The following PDE4D variants were observed in gnomAD, a reference collection of about 807,000 sequenced individuals.
PDE4D encodes the protein phosphodiesterase 4D, also known as 3',5'-cyclic-AMP phosphodiesterase 4D.
A neutral mutation model predicts 87.4 loss-of-function variants in PDE4D; 24 were observed. The ratio of observed to expected loss-of-function variants is 0.27; its 90% confidence interval spans 0.20 to 0.39. The LOEUF (loss-of-function observed/expected upper bound fraction) is 0.39, where lower values mean the gene tolerates loss of function less well. PDE4D is among the 10% of genes least tolerant of loss of function. The pLI, the probability that PDE4D is intolerant of heterozygous loss-of-function variation, is 1.00. For missense variants in PDE4D, 714 were observed against 1,041.0 expected (o/e 0.69, Z 4.32); for synonymous variants, 384 against 383.2 (o/e 1.00, Z -0.02).
intron 1 of PDE4D, among the ~76,000 whole-genome samples, chr5:60,397,963 CT>C (rs1762996434): frequency 6.6e-6 from 1 of 152,194 alleles, no homozygotes; most frequent in Non-Finnish European, 1.5e-5. Context: ...GGTGAGCACT[CT>C]TACAGTTATT....
chr5:59,954,837 G>A (rs776763824), intron 3 of PDE4D, among the ~76,000 whole-genome samples: 5 of 152,196 alleles, frequency 3.3e-5, no homozygotes, highest in African/African-American at 2.4e-5. Context: ...GGACAGTGCT[G>A]ACGATGTAAT....
chr5:60,219,546 A>G (rs984105609), intron 1 of PDE4D, among the ~76,000 whole-genome samples: 13 of 152,190 alleles, frequency 8.5e-5, no homozygotes, highest in Admixed American at 4.6e-4. Context: ...TATAATTTAG[A>G]ATCAGTCTAT....
At chr5:59,800,238 A>G (rs988252978) in intron 1 of PDE4D, among the ~76,000 whole-genome samples, 2 of 152,264 alleles carry the variant, frequency 1.3e-5, no homozygotes, top group South Asian at 2.1e-4. Flanking sequence ...ACAATGGAAC[A>G]TGTGCGACAA....
intron 1 of PDE4D, among the ~76,000 whole-genome samples, chr5:59,579,940 C>T (rs1260492082): frequency 1.3e-5 from 2 of 152,150 alleles, no homozygotes; most frequent in African/African-American, 4.8e-5. Flanking sequence ...TGAGAAAATA[C>T]AGAAAGAGCT....
At chr5:59,952,371 C>A (rs767429109) in intron 3 of PDE4D, among the ~76,000 whole-genome samples, 1 of 152,172 alleles carries the variant, frequency 6.6e-6, no homozygotes, top group Non-Finnish European at 1.5e-5. Context: ...CCCCATCCAA[C>A]CCTGCTCCCT....
chr5:60,354,569 C>T (rs1759456710), intron 1 of PDE4D, among the ~76,000 whole-genome samples: 1 of 152,116 alleles, frequency 6.6e-6, no homozygotes. Flanking sequence ...AAATTATGCC[C>T]ACATAAGGCA....
intron 1 of PDE4D, among the ~76,000 whole-genome samples, chr5:59,862,138 C>T (rs145015679): frequency 6.8e-4 from 103 of 152,182 alleles, no homozygotes; most frequent in African/African-American, 2.1e-3. Flanking sequence ...CCTAACTGGC[C>T]GCTCCTACTC....
intron 5 of PDE4D, among the ~76,000 whole-genome samples, chr5:59,083,188 T>A (rs1188108234): frequency 6.6e-6 from 1 of 152,122 alleles, no homozygotes; most frequent in East Asian, 1.9e-4. Flanking sequence ...CCTTGCCTAG[T>A]CTGCATTCAC....
At chr5:59,951,054 T>C (rs983088150) in intron 3 of PDE4D, among the ~76,000 whole-genome samples, 5 of 152,128 alleles carry the variant, frequency 3.3e-5, no homozygotes, top group Non-Finnish European at 5.9e-5. Context: ...AATATTAATT[T>C]ATTTAATCCT....
At chr5:59,389,066 T>C (rs1787704529) in intron 1 of PDE4D, among the ~76,000 whole-genome samples, 1 of 151,874 alleles carries the variant, frequency 6.6e-6, no homozygotes, top group Non-Finnish European at 1.5e-5. Context: ...CGCAGGGGAG[T>C]TGGTGAAGCC....
chr5:59,032,487 G>T (rs1443640029), intron 6 of PDE4D, among the ~76,000 whole-genome samples: 1 of 152,156 alleles, frequency 6.6e-6, no homozygotes, highest in Non-Finnish European at 1.5e-5. Context: ...GCTGAGGCAG[G>T]AGAATTGCTT....
At chr5:59,616,114 C>G (rs964567503) in intron 1 of PDE4D, among the ~76,000 whole-genome samples, 1 of 151,880 alleles carries the variant, frequency 6.6e-6, no homozygotes, top group Admixed American at 6.6e-5. Context: ...TGCTATCCCT[C>G]CCCCCTTCCC....
intron 5 of PDE4D, among the ~76,000 whole-genome samples, chr5:59,040,355 T>C (rs1402828223): frequency 6.6e-6 from 1 of 152,216 alleles, no homozygotes; most frequent in Admixed American, 6.5e-5. Context: ...CTAAGAGTTC[T>C]CTTAAAGGAA....
At chr5:59,274,428 A>G (rs1764420166) in intron 1 of PDE4D, among the ~76,000 whole-genome samples, 1 of 152,148 alleles carries the variant, frequency 6.6e-6, no homozygotes, top group African/African-American at 2.4e-5. Context: ...TTGCCTGCTC[A>G]CATGATAATG....
intron 5 of PDE4D, among the ~76,000 whole-genome samples, chr5:59,056,817 T>C (rs978205270): frequency 6.6e-6 from 1 of 152,136 alleles, no homozygotes; most frequent in Admixed American, 6.6e-5. Flanking sequence ...CCATGGTGTA[T>C]ATGTGCCACA....
At chr5:60,001,910 C>T (rs530460808) in intron 2 of PDE4D, among the ~76,000 whole-genome samples, 1 of 142,094 alleles carries the variant, frequency 7.0e-6, no homozygotes, top group South Asian at 2.2e-4. Context: ...TCTAATAGAT[C>T]CAGAAAAGAC....
At chr5:59,875,800 T>G (rs1206276939) in intron 1 of PDE4D, among the ~76,000 whole-genome samples, 1 of 152,172 alleles carries the variant, frequency 6.6e-6, no homozygotes, top group Non-Finnish European at 1.5e-5. Context: ...CAAGATCATG[T>G]CTTATGCAGG....
chr5:59,202,466 G>A lies in PDE4D; in HGVS notation c.648-8930C>T, dbSNP rs182875797. Reference sequence around the variant, plus strand: ...CAGCCTCAAGCTCCTGGACTCAAGTGATCCTCTCACTTCAGCCTCCCAAGC... The same window carrying A: ...CAGCCTCAAGCTCCTGGACTCAAGTAATCCTCTCACTTCAGCCTCCCAAGC... On this transcript the variant is annotated intron_variant, in intron 2 of 14. Coordinates refer to ENST00000340635, the MANE Select transcript of PDE4D (RefSeq NM_001104631.2). Among the ~76,000 whole-genome samples the A allele has an allele frequency of 7.9e-5, 12 of 152,224 alleles. No individual in the cohort carries two copies. The East Asian group carries it at 1.5e-3, about 20-fold the overall frequency.
intron 1 of PDE4D, among the ~76,000 whole-genome samples, chr5:60,496,333 G>T (rs1279177894): frequency 6.6e-6 from 1 of 152,128 alleles, no homozygotes; most frequent in Non-Finnish European, 1.5e-5. Context: ...AGGATGACAA[G>T]AATGAAATAT....
Sources: gnomAD v4.1 joint callset for allele counts (sites outside exome capture counted in the v4.1 genomes callset) on GRCh38, gnomAD v4.1.1 for gene constraint, MANE v1.5 for transcripts, NCBI Gene and HGNC (gene_info 2026-07-23, HGNC 2026-07-21) for gene names.